The following ADGRV1 variants were observed in gnomAD, a reference collection of about 807,000 sequenced individuals.
ADGRV1 encodes the protein adhesion G protein-coupled receptor V1.
Under a neutral mutation model 596.2 loss-of-function variants are expected in ADGRV1, and 359 were observed. That is an observed-to-expected ratio of 0.60 (90% confidence interval 0.55 to 0.66). ADGRV1 has a LOEUF of 0.66. Ranked by LOEUF, ADGRV1 falls within the 30% of genes least tolerant of loss-of-function variation. The probability of loss-of-function intolerance (pLI) is 0.00; values close to 1 mark genes in which losing one functional copy is unlikely to be tolerated. For missense variants in ADGRV1, 7,274 were observed against 7,575.6 expected (o/e 0.96, Z 1.48); for synonymous variants, 2,681 against 2,679.2 (o/e 1.00, Z -0.02).
intron 83 of ADGRV1, among the ~76,000 whole-genome samples, chr5:90,866,360 G>A (rs1198336244): frequency 4.2e-5 from 6 of 142,352 alleles, no homozygotes; most frequent in Non-Finnish European, 9.1e-5. Flanking sequence ...CTTGATTGGA[G>A]GAATATAGAT....
intron 85 of ADGRV1, among the ~76,000 whole-genome samples, chr5:91,030,482 T>C (rs1190062903): frequency 6.6e-6 from 1 of 152,062 alleles, no homozygotes; most frequent in East Asian, 1.9e-4. Context: ...ATTTTAGAGG[T>C]GTAGGGTGAA....
At position 91,063,891 on chromosome 5, in the gene ADGRV1, A is replaced by G. The variant is rs115046006; in HGVS notation, c.18153-8556A>G. ...GGTGGTGGTGATGGTGGTGATGCTG[A>G]TGGAAGAACAACACAAATTCCAGTA... On this transcript the variant is annotated intron_variant, in intron 85 of 89. Coordinates refer to ENST00000405460, the MANE Select transcript of ADGRV1 (RefSeq NM_032119.4). Among the ~76,000 whole-genome samples the G allele has an allele frequency of 3.1e-3, 476 of 152,152 alleles. 3 individuals carry two copies. Among genetic ancestry groups the G allele is most frequent in the African/African-American group, 0.011 (453 of 41,522 alleles).
At chr5:90,838,851 C>A (rs1268258957) in intron 77 of ADGRV1, among the ~76,000 whole-genome samples, 2 of 152,020 alleles carry the variant, frequency 1.3e-5, no homozygotes, top group Non-Finnish European at 2.9e-5. Context: ...TATAGCGAGA[C>A]CCTCATCTCG....
At position 90,634,516 on chromosome 5, in the gene ADGRV1, A is replaced by C. The variant is rs531536883; in HGVS notation, c.1840-598A>C. ...GTTCTTTAAATGTAAAGATGCATGAAGTTATAAATGGAGTTCTGAGTAGTC... is the reference window on the plus strand; with the variant it reads ...GTTCTTTAAATGTAAAGATGCATGACGTTATAAATGGAGTTCTGAGTAGTC... On this transcript the variant is annotated intron_variant, in intron 9 of 89. Coordinates refer to ENST00000405460, the MANE Select transcript of ADGRV1 (RefSeq NM_032119.4). 3.0e-4 allele frequency among the ~76,000 whole-genome samples: 45 copies of C among 152,340 alleles called. No individual in the cohort carries two copies. The South Asian group carries it at 9.1e-3, about 31-fold the overall frequency.
chr5:90,970,096 G>A (rs1297922212), intron 84 of ADGRV1, among the ~76,000 whole-genome samples: 3 of 152,360 alleles, frequency 2.0e-5, no homozygotes, highest in East Asian at 3.9e-4. Context: ...CTGGCTCGGA[G>A]GGTCCCACGC....
intron 24 of ADGRV1, 62 bp downstream of exon 24, chr5:90,675,507 T>C: frequency 1.4e-6 from 2 of 1,410,048 alleles, no homozygotes; most frequent in South Asian, 2.4e-5. Context: ...AATCCTTCTC[T>C]GGAAGGGATA....
chr5:90,877,284 T>C (rs1018204113), intron 83 of ADGRV1, among the ~76,000 whole-genome samples: 4 of 152,202 alleles, frequency 2.6e-5, no homozygotes, highest in African/African-American at 7.2e-5. Context: ...GAATCTGGGT[T>C]GGTTCAACTG....
In ADGRV1 at chr5:90,684,251, TCA is replaced by T; in HGVS notation, c.6274+57_6274+58del. ...ATTAGCTCTCAGAATCCTGAAACAA[TCA>T]GTTTTAAATTTTATTTAATAGAAAA... On this transcript the variant is annotated intron_variant, in intron 28 of 89. Transcript: ENST00000405460. 4.9e-6 allele frequency: 7 copies of T among 1,430,022 alleles called. No homozygotes were observed. The South Asian group carries it at 9.0e-5, about 18-fold the overall frequency. 88.6% of individuals were successfully genotyped at this position (1,430,022 alleles called of 1,614,324 possible). A position where few individuals can be genotyped will look rare whatever the true frequency, so the allele number is the denominator to read the frequency against.
chr5:91,123,402 T>G (rs1007880330), intron 87 of ADGRV1, among the ~76,000 whole-genome samples: 9 of 152,134 alleles, frequency 5.9e-5, no homozygotes, highest in Admixed American at 1.3e-4. Flanking sequence ...AGGGCCTGTT[T>G]CTCGTAGATG....
Position 90,832,959 on chromosome 5 carries a change from A to G in ADGRV1, c.16611+3773A>G, listed in dbSNP as rs144697746. Among the ~76,000 whole-genome samples, 1,215 of 152,200 alleles carry G rather than the reference A, an allele frequency of 8.0e-3. 14 individuals are homozygous for G. Among genetic ancestry groups the G allele is most frequent in the African/African-American group, 0.028 (1,159 of 41,538 alleles). Reference sequence around the variant, plus strand: ...CTATTCCATTCTGTTCCATTGGTCTATATGTCTGTTTTTATGCCAGTACCA... The same window carrying G: ...CTATTCCATTCTGTTCCATTGGTCTGTATGTCTGTTTTTATGCCAGTACCA... On this transcript the variant is annotated intron_variant, in intron 77 of 89. Transcript: ENST00000405460.
chr5:90,831,354 C>A (rs74561177), intron 77 of ADGRV1, among the ~76,000 whole-genome samples: 10 of 151,838 alleles, frequency 6.6e-5, no homozygotes, highest in African/African-American at 2.4e-4. Flanking sequence ...CAATAAACAT[C>A]CTACCCTGCG....
At chr5:90,693,755 G>A (rs1008643352) in intron 32 of ADGRV1, 135 bp from the exon 33 acceptor site, 2 of 567,168 alleles carry the variant, frequency 3.5e-6, no homozygotes, top group Admixed American at 7.4e-5. Context: ...GTGTAATTAA[G>A]AAACAGGATT....
chr5:90,874,663 C>T (rs1769045664), intron 83 of ADGRV1, among the ~76,000 whole-genome samples: 1 of 151,894 alleles, frequency 6.6e-6, no homozygotes, highest in South Asian at 2.1e-4. Flanking sequence ...AGATCGAGAC[C>T]ATCCTGGCTA....
intron 84 of ADGRV1, 99 bp downstream of exon 84, chr5:90,965,630 TC>T (rs768792241): frequency 8.7e-5 from 54 of 617,146 alleles, no homozygotes; most frequent in Non-Finnish European, 1.4e-4. Flanking sequence ...TAGAAGTAAT[TC>T]CGTATATCCA....
chr5:90,734,986 C>G (rs147329834), intron 50 of ADGRV1, among the ~76,000 whole-genome samples: 1 of 152,124 alleles, frequency 6.6e-6, no homozygotes, highest in African/African-American at 2.4e-5. Context: ...TTTGGGTTGT[C>G]CCTTCATTTT....
At chr5:90,828,176 A>G (rs1238605584) in intron 76 of ADGRV1, among the ~76,000 whole-genome samples, 1 of 152,206 alleles carries the variant, frequency 6.6e-6, no homozygotes, top group Non-Finnish European at 1.5e-5. Context: ...ACATGAGCAA[A>G]CTGTAACCAG....
chr5:90,765,702 TTTTG>T (rs1241533052), intron 59 of ADGRV1, among the ~76,000 whole-genome samples: 2 of 151,914 alleles, frequency 1.3e-5, no homozygotes, highest in Non-Finnish European at 2.9e-5. Context: ...AATTCTTTTT[TTTTG>T]TTTGTTTGTT....
chr5:90,642,388 G>A (rs1767078761), intron 11 of ADGRV1, among the ~76,000 whole-genome samples: 1 of 152,088 alleles, frequency 6.6e-6, no homozygotes, highest in Non-Finnish European at 1.5e-5. Flanking sequence ...TACATATGTA[G>A]TGTTTGGTTT....
chr5:90,853,085 C>T (rs935116159), intron 79 of ADGRV1, among the ~76,000 whole-genome samples, 199 bp from the exon 80 acceptor site: 7 of 152,092 alleles, frequency 4.6e-5, no homozygotes, highest in African/African-American at 1.7e-4. Flanking sequence ...CAAGAGGATG[C>T]AGAAAATTCT....
Sources: gnomAD v4.1 joint callset for allele counts (sites outside exome capture counted in the v4.1 genomes callset) on GRCh38, gnomAD v4.1.1 for gene constraint, MANE v1.5 for transcripts, NCBI Gene and HGNC (gene_info 2026-07-23, HGNC 2026-07-21) for gene names.